Variants in LANCL3 observed in about 807,000 individuals in gnomAD.
LANCL3 encodes the protein lanC-like protein 3.
A neutral mutation model predicts 26.5 loss-of-function variants in LANCL3; 19 were observed. The observed-to-expected ratio is 0.72, with a 90% CI of 0.50 to 1.05. The LOEUF (loss-of-function observed/expected upper bound fraction) is 1.05. LANCL3 is among the 50% of genes least tolerant of loss of function. The probability of loss-of-function intolerance (pLI) is 0.00; values close to 1 mark genes in which losing one functional copy is unlikely to be tolerated. For missense variants in LANCL3, 318 were observed against 362.7 expected (o/e 0.88, Z 1.00); for synonymous variants, 160 against 166.6 (o/e 0.96, Z 0.30).
At chrX:37,585,529 T>G (rs1182309032) in intron 1 of LANCL3, among the ~76,000 whole-genome samples, 4 of 112,286 alleles carry the variant, frequency 3.6e-5, no homozygotes, top group Non-Finnish European at 7.5e-5. Context: ...CTTGTTGAAT[T>G]GATCCCTTTA....
At chrX:37,646,750 A>G (rs925777716) in intron 1 of LANCL3, among the ~76,000 whole-genome samples, 7 of 110,876 alleles carry the variant, frequency 6.3e-5, no homozygotes, top group Non-Finnish European at 1.3e-4. Context: ...TGAGGCTGCC[A>G]TCTTCCTGAG....
At position 37,678,186 on chromosome X, in the gene LANCL3, C is replaced by T. The variant is rs183893267; in HGVS notation, c.*2373C>T. ...ACAATAGGCTTGTTTAGCCCTTAAA[C>T]ATGTTGATGAAACTTTTCATTTTCC... On this transcript the variant is annotated 3_prime_UTR_variant, in exon 5 of 5. Transcript: ENST00000378619. The T allele has an allele frequency of 1.7e-3, 192 of 111,979 alleles. No individual in the cohort carries two copies. The highest frequency in any genetic ancestry group is 5.9e-3 in the African/African-American group (183 of 30,904). 9.2% of individuals were successfully genotyped at this position (111,979 alleles called of 1,213,427 possible). A position where few individuals can be genotyped will look rare whatever the true frequency, so the allele number is the denominator to read the frequency against.
intron 3 of LANCL3, among the ~76,000 whole-genome samples, chrX:37,664,310 C>A (rs1556433285): frequency 9.0e-6 from 1 of 111,384 alleles, no homozygotes; most frequent in Non-Finnish European, 1.9e-5. Flanking sequence ...ACTTCTATTT[C>A]CCCTCACATA....
intron 1 of LANCL3, among the ~76,000 whole-genome samples, chrX:37,598,645 CAT>C (rs1556419712): frequency 8.9e-6 from 1 of 112,331 alleles, no homozygotes; most frequent in African/African-American, 3.2e-5. Context: ...ATGTATCACT[CAT>C]GTGTATACCT....
chrX:37,647,942 G>T (rs2036425876), intron 1 of LANCL3, among the ~76,000 whole-genome samples: 1 of 112,720 alleles, frequency 8.9e-6, no homozygotes, highest in East Asian at 2.8e-4. Flanking sequence ...ATGGATTAAG[G>T]TTTAAGAGGT....
chrX:37,587,796 C>G (rs1332051804), intron 1 of LANCL3, among the ~76,000 whole-genome samples: 2 of 112,147 alleles, frequency 1.8e-5, no homozygotes, highest in African/African-American at 3.2e-5. Flanking sequence ...GCACTGCACC[C>G]TCTGTCCTGC....
At chrX:37,612,700 C>T (rs781892438) in intron 1 of LANCL3, among the ~76,000 whole-genome samples, 3 of 111,880 alleles carry the variant, frequency 2.7e-5, no homozygotes, top group Non-Finnish European at 3.8e-5. Context: ...TCACTCTGTC[C>T]CCTCGTTTTG....
chrX:37,594,473 T>C (rs1407481397), intron 1 of LANCL3, among the ~76,000 whole-genome samples: 16 of 111,912 alleles, frequency 1.4e-4, no homozygotes, highest in Non-Finnish European at 2.8e-4. Flanking sequence ...CAGGATACTT[T>C]TGACAGGCAT....
chrX:37,664,822 G>T (rs1273613991), intron 3 of LANCL3, among the ~76,000 whole-genome samples: 1 of 111,639 alleles, frequency 9.0e-6, no homozygotes, highest in African/African-American at 3.3e-5. Flanking sequence ...GTGGTGCTTG[G>T]TTTTCTGTTC....
intron 1 of LANCL3, among the ~76,000 whole-genome samples, chrX:37,606,368 A>T (rs1461797996): frequency 8.9e-6 from 1 of 112,088 alleles, no homozygotes; most frequent in Admixed American, 9.4e-5. Flanking sequence ...AGCCAGTCTT[A>T]CCAGTCCTGG....
intron 1 of LANCL3, among the ~76,000 whole-genome samples, chrX:37,653,283 TACACAGACATGCACACACAC>T (rs1926202556): frequency 9.0e-6 from 1 of 110,937 alleles, no homozygotes; most frequent in Non-Finnish European, 1.9e-5. Flanking sequence ...AACACACACG[TACACAGACATGCACACACAC>T]ACACACACAA....
At chrX:37,654,492 G>A (rs1300395186) in intron 1 of LANCL3, among the ~76,000 whole-genome samples, 1 of 112,102 alleles carries the variant, frequency 8.9e-6, no homozygotes, top group East Asian at 2.8e-4. Context: ...CGTTTCCTGT[G>A]CAGGTCTACC....
intron 1 of LANCL3, among the ~76,000 whole-genome samples, chrX:37,651,924 T>C (rs1926156955): frequency 9.4e-6 from 1 of 106,894 alleles, no homozygotes; most frequent in African/African-American, 3.8e-5. Context: ...GTTTATTCTG[T>C]TTTTCTCCAT....
At chrX:37,586,527 C>T (rs1187850963) in intron 1 of LANCL3, among the ~76,000 whole-genome samples, 2 of 111,704 alleles carry the variant, frequency 1.8e-5, no homozygotes, top group Non-Finnish European at 3.8e-5. Context: ...AACTTCTCTT[C>T]TCGCTTTATT....
intron 1 of LANCL3, among the ~76,000 whole-genome samples, chrX:37,591,205 A>G (rs1186877289): frequency 1.8e-5 from 2 of 111,889 alleles, no homozygotes; most frequent in Non-Finnish European, 3.8e-5. Context: ...GTCTGACTAT[A>G]TAACTTCTTA....
chrX:37,591,105 T>G (rs1257987651), intron 1 of LANCL3, among the ~76,000 whole-genome samples: 2 of 112,150 alleles, frequency 1.8e-5, no homozygotes, highest in Non-Finnish European at 3.8e-5. Context: ...GCATATTTTC[T>G]TCATTTTACA....
At chrX:37,573,323 C>A (rs1334109109) in intron 1 of LANCL3, among the ~76,000 whole-genome samples, 3 of 112,203 alleles carry the variant, frequency 2.7e-5, no homozygotes, top group Non-Finnish European at 5.6e-5. Context: ...CACTTTCATT[C>A]ATAATCCCCT....
chrX:37,592,712 T>G (rs1556419140), intron 1 of LANCL3, among the ~76,000 whole-genome samples: 1 of 111,879 alleles, frequency 8.9e-6, no homozygotes, highest in Non-Finnish European at 1.9e-5. Context: ...ACAATGAGAT[T>G]GATAATAAGA....
In LANCL3 at chrX:37,628,912, G is replaced by C. The variant is rs781930121; in HGVS notation, c.574-26776G>C. Among the ~76,000 whole-genome samples, 11 of 110,716 alleles carry C rather than the reference G, an allele frequency of 9.9e-5. No homozygotes were observed. The South Asian group carries it at 3.9e-3, about 40-fold the overall frequency. The stretch of plus-strand genomic sequence containing the variant: ...GAATAGTGCTGCAATAAACATACGT[G>C]TGCATGTGTCGTTATAGCAGCATGA... On this transcript the variant is annotated intron_variant, in intron 1 of 4. Coordinates refer to ENST00000378619, the MANE Select transcript of LANCL3 (RefSeq NM_001170331.2).
Sources: gnomAD v4.1 joint callset for allele counts (sites outside exome capture counted in the v4.1 genomes callset) on GRCh38, gnomAD v4.1.1 for gene constraint, MANE v1.5 for transcripts, NCBI Gene and HGNC (gene_info 2026-07-23, HGNC 2026-07-21) for gene names.